The following NEURL1 variants were observed in gnomAD, a reference collection of about 807,000 sequenced individuals.
NEURL1 encodes the protein E3 ubiquitin-protein ligase NEURL1.
In NEURL1, 26 loss-of-function variants were observed where a neutral mutation model predicts 41.2. The observed-to-expected ratio is 0.63, with a 90% confidence interval of 0.46 to 0.87. NEURL1 has a LOEUF of 0.87. Ranked by LOEUF, NEURL1 falls within the 40% of genes least tolerant of loss-of-function variation. The pLI is 0.00. For synonymous variants in NEURL1, 400 were observed against 402.3 expected, an observed-to-expected ratio of 0.99 and a Z score of 0.07; for missense variants, 761 against 871.1, an observed-to-expected ratio of 0.87 and a Z score of 1.59.
At chr10:103,533,820 G>T in intron 1 of NEURL1, among the ~76,000 whole-genome samples, 1 of 151,692 alleles carries the variant, frequency 6.6e-6, no homozygotes. Flanking sequence ...ACAGGCTTGA[G>T]CCACCGCTCC....
intron 2 of NEURL1, among the ~76,000 whole-genome samples, 192 bp from the exon 3 acceptor site, chr10:103,571,309 G>A (rs958045216): frequency 2.0e-5 from 3 of 152,208 alleles, no homozygotes; most frequent in Admixed American, 2.0e-4. Flanking sequence ...TGACAAGGAA[G>A]GAACCGGGAG....
intron 1 of NEURL1, among the ~76,000 whole-genome samples, chr10:103,535,610 C>G (rs1320672990): frequency 6.6e-6 from 1 of 152,168 alleles, no homozygotes. Context: ...ATGTAAGGCA[C>G]TCCTTCAACT....
At chr10:103,511,003 G>C (rs1036553610) in intron 1 of NEURL1, among the ~76,000 whole-genome samples, 5 of 152,170 alleles carry the variant, frequency 3.3e-5, no homozygotes, top group African/African-American at 4.8e-5. Flanking sequence ...GCCTTGAATG[G>C]GGGGGCTCCT....
chr10:103,522,507 C>T (rs371299477), intron 1 of NEURL1, among the ~76,000 whole-genome samples: 4 of 149,502 alleles, frequency 2.7e-5, no homozygotes, highest in South Asian at 2.1e-4. Flanking sequence ...CCCAGCTACT[C>T]GGGAGAGTCA....
At chr10:103,585,859 C>T (rs2035913600) in intron 4 of NEURL1, among the ~76,000 whole-genome samples, 1 of 152,004 alleles carries the variant, frequency 6.6e-6, no homozygotes, top group Admixed American at 6.6e-5. Flanking sequence ...AAAGGTTTCC[C>T]CCAGCAGTTA....
chr10:103,560,125 T>G (rs1210887853), intron 1 of NEURL1, among the ~76,000 whole-genome samples: 2 of 152,180 alleles, frequency 1.3e-5, no homozygotes, highest in Non-Finnish European at 2.9e-5. Context: ...ACATTGGTTG[T>G]GTCTGCCATG....
chr10:103,522,360 A>C (rs1440685945), intron 1 of NEURL1, among the ~76,000 whole-genome samples: 9 of 151,750 alleles, frequency 5.9e-5, no homozygotes, highest in African/African-American at 2.2e-4. Flanking sequence ...GTAATCCCAG[A>C]ACCTTGGGAA....
chr10:103,565,397 T>C (rs180962362), intron 1 of NEURL1, among the ~76,000 whole-genome samples: 3 of 152,138 alleles, frequency 2.0e-5, no homozygotes, highest in Admixed American at 2.0e-4. Context: ...AATCAGTGGG[T>C]GGGGCTTTGC....
chr10:103,525,351 CTTT>C (rs1417096997), intron 1 of NEURL1, among the ~76,000 whole-genome samples: 1 of 145,524 alleles, frequency 6.9e-6, no homozygotes. Flanking sequence ...TTCTTTCTTT[CTTT>C]TTTCTTTTTT....
In NEURL1 at chr10:103,590,430, C is replaced by G; in HGVS notation, c.*58C>G. The G allele has an allele frequency of 2.0e-6, 3 of 1,478,364 alleles. No individual in the cohort carries two copies. The highest frequency in any genetic ancestry group is 2.8e-6 in the Non-Finnish European group (3 of 1,061,776). The allele number at this position is 1,478,364 out of a possible 1,614,324, so 91.6% of individuals were successfully genotyped here. On this transcript the variant is annotated 3_prime_UTR_variant, in exon 6 of 6. Coordinates refer to ENST00000369780, the MANE Select transcript of NEURL1 (RefSeq NM_004210.5). ...TTCTCGGGCTTCAGCCCAGTCCCAG[C>G]TGAGGAACAAGCCAGTGGGGCCCCT...
intron 1 of NEURL1, among the ~76,000 whole-genome samples, chr10:103,551,821 T>C (rs911656284): frequency 6.6e-6 from 1 of 152,150 alleles, no homozygotes; most frequent in Non-Finnish European, 1.5e-5. Flanking sequence ...AAAACCCTTT[T>C]AGACTGCAGT....
At chr10:103,502,228 G>C (rs2033842115) in intron 1 of NEURL1, among the ~76,000 whole-genome samples, 1 of 152,180 alleles carries the variant, frequency 6.6e-6, no homozygotes, top group African/African-American at 2.4e-5. Context: ...CTCCATATTA[G>C]GACTCTTTTC....
intron 1 of NEURL1, among the ~76,000 whole-genome samples, chr10:103,524,762 A>G (rs553414939): frequency 6.6e-6 from 1 of 152,244 alleles, no homozygotes; most frequent in East Asian, 1.9e-4. Context: ...CTATAAATAC[A>G]TGGGTTTATG....
At chr10:103,571,244 T>A (rs1279125325) in intron 2 of NEURL1, 131 bp downstream of exon 2, 2 of 990,498 alleles carry the variant, frequency 2.0e-6, no homozygotes, top group Non-Finnish European at 3.0e-6. Flanking sequence ...GCCCCTGCCT[T>A]TCCTCTCTGG....
intron 1 of NEURL1, among the ~76,000 whole-genome samples, chr10:103,537,002 G>T (rs1313723004): frequency 6.6e-6 from 1 of 152,176 alleles, no homozygotes; most frequent in East Asian, 1.9e-4. Context: ...TCTCAGATAA[G>T]TGGAATCATA....
chr10:103,535,451 T>G (rs981114095), intron 1 of NEURL1, among the ~76,000 whole-genome samples: 2 of 152,194 alleles, frequency 1.3e-5, no homozygotes, highest in African/African-American at 4.8e-5. Context: ...CAGGAGCTGG[T>G]GTGCTGCTTC....
chr10:103,584,754 C>A lies in NEURL1; in HGVS notation c.868C>A (p.Leu290Ile). 6.9e-7 allele frequency: 1 copy of A among 1,458,558 alleles called. No individual in the cohort carries two copies. Among genetic ancestry groups the A allele is most frequent in the Non-Finnish European group, 9.0e-7 (1 of 1,109,882 alleles). The allele number at this position is 1,458,558 out of a possible 1,614,324, so 90.4% of individuals were successfully genotyped here. ...GCACAGCCGCGCGCTGCCGGCGCAG[C>A]TCGACGGCGACCTGCGTTTCCACGC... ...SQHSRALPAQ[L>I]DGDLRFHALR... Residue 290 changes from leucine (L) to isoleucine (I), a missense_variant, in exon 4 of 6, where the codon CTC becomes ATC. Physicochemically the swap from Leu to Ile is conservative, Grantham distance 5. Transcript: ENST00000369780.
At position 103,494,118 on chromosome 10, in the gene NEURL1, G is replaced by A. The variant is rs900916151; in HGVS notation, c.-270G>A. 5.9e-5 allele frequency: 23 copies of A among 386,588 alleles called. 1 individual carries two copies. The South Asian group carries it at 9.5e-4, about 16-fold the overall frequency. The allele number at this position is 386,588 out of a possible 1,614,324, so 23.9% of individuals were successfully genotyped here. On this transcript the variant is annotated 5_prime_UTR_variant, in exon 1 of 6. Transcript: ENST00000369780. Reference sequence around the variant, plus strand: ...CGGGCGTCCCCGGCCCCGGCCCAGGGCCCTGCTTGTGGCCCCCGCTCCCGC... The same window carrying A: ...CGGGCGTCCCCGGCCCCGGCCCAGGACCCTGCTTGTGGCCCCCGCTCCCGC...
In NEURL1 at chr10:103,584,571, C is replaced by T; in HGVS notation, c.685C>T (p.Arg229Cys). 1.4e-6 allele frequency: 2 copies of T among 1,415,038 alleles called. No homozygotes were observed. The highest frequency in any genetic ancestry group is 1.8e-6 in the Non-Finnish European group (2 of 1,089,782). The allele number at this position is 1,415,038 out of a possible 1,614,324, so 87.7% of individuals were successfully genotyped here. The change falls in exon 4 of 6, where the codon CGC (arginine) becomes TGC (cysteine). Residue 229 changes from arginine to cysteine, a missense_variant. Arg to Cys is a radical substitution (Grantham distance 180). This residue lies in a region of NEURL1 where 114 missense variants were observed against 144.8 expected (regional missense o/e 0.79). Transcript: ENST00000369780. ...ELVLPDCLRPRSFTALRRPSL... is the reference protein window; with the variant it reads ...ELVLPDCLRPCSFTALRRPSL... Reference sequence around the variant, plus strand: ...GGTGCTCCCGGACTGTCTGCGGCCGCGCTCCTTCACCGCCCTGCGGCGGCC... The same window carrying T: ...GGTGCTCCCGGACTGTCTGCGGCCGTGCTCCTTCACCGCCCTGCGGCGGCC...
Sources: gnomAD v4.1 joint callset for allele counts (sites outside exome capture counted in the v4.1 genomes callset) on GRCh38, gnomAD v4.1.1 for gene constraint, gnomAD v4.1.1 regional missense constraint, MANE v1.5 for transcripts, NCBI Gene and HGNC (gene_info 2026-07-23, HGNC 2026-07-21) for gene names.